SNX30: variants seen among roughly 807,000 people sequenced by gnomAD.
SNX30 encodes sorting nexin-30.
In SNX30, 24 loss-of-function variants were observed where a neutral mutation model predicts 46.4. That is an observed-to-expected ratio of 0.52 (90% CI 0.37 to 0.73). The LOEUF (loss-of-function observed/expected upper bound fraction) is 0.73. SNX30 is among the 30% of genes least tolerant of loss of function. The pLI is 0.00. For synonymous variants in SNX30, 189 were observed against 211.5 expected, an observed-to-expected ratio of 0.89 and a Z score of 0.92; for missense variants, 533 against 555.7, an observed-to-expected ratio of 0.96 and a Z score of 0.41.
chr9:112,849,890 C>T (rs1490875823), intron 6 of SNX30, among the ~76,000 whole-genome samples: 1 of 152,214 alleles, frequency 6.6e-6, no homozygotes, highest in Non-Finnish European at 1.5e-5. Flanking sequence ...AGAAAGGTCT[C>T]ATCACTCTTG....
chr9:112,841,817 CGAGA>C (rs942927051), intron 6 of SNX30, among the ~76,000 whole-genome samples: 16 of 152,142 alleles, frequency 1.1e-4, no homozygotes, highest in African/African-American at 3.9e-4. Flanking sequence ...TTTCTTCCTC[CGAGA>C]GAGTCATATA....
intron 1 of SNX30, among the ~76,000 whole-genome samples, chr9:112,797,835 C>T (rs1008470219): frequency 5.3e-5 from 8 of 149,728 alleles, no homozygotes; most frequent in African/African-American, 2.0e-4. Flanking sequence ...CTCAGCCCCC[C>T]GAGTAGGCGC....
intron 2 of SNX30, among the ~76,000 whole-genome samples, chr9:112,814,195 TAAAGAACTTACAC>T (rs1439452813): frequency 6.6e-6 from 1 of 152,236 alleles, no homozygotes. Context: ...CAAATGGTAA[TAAAGAACTTACAC>T]AAATGAAAAA....
intron 2 of SNX30, among the ~76,000 whole-genome samples, chr9:112,815,901 G>T (rs1280486052): frequency 6.6e-6 from 1 of 152,170 alleles, no homozygotes; most frequent in Non-Finnish European, 1.5e-5. Context: ...GAAGTGCAGT[G>T]GCACAGTCAG....
chr9:112,879,511 T>G (rs1204567372), downstream of SNX30: 1 of 468,624 alleles, frequency 2.1e-6, no homozygotes, highest in Non-Finnish European at 3.9e-6. Context: ...CATGCTCTGC[T>G]GTCACAGAAC....
chr9:112,841,602 C>T (rs1840860463), intron 6 of SNX30, among the ~76,000 whole-genome samples: 1 of 152,184 alleles, frequency 6.6e-6, no homozygotes, highest in Admixed American at 6.5e-5. Context: ...GAAACAGGGC[C>T]ACTGCTCCTC....
chr9:112,814,934 A>C (rs961664808), intron 2 of SNX30, among the ~76,000 whole-genome samples: 45 of 152,358 alleles, frequency 3.0e-4, no homozygotes, highest in African/African-American at 1.1e-3. Flanking sequence ...ATTCAGTGGA[A>C]TACTATGTAT....
At chr9:112,778,270 CTTTTTTT>C (rs1001151120) in intron 1 of SNX30, among the ~76,000 whole-genome samples, 12 of 123,350 alleles carry the variant, frequency 9.7e-5, no homozygotes, top group African/African-American at 3.2e-4. Context: ...GGCCATATTC[CTTTTTTT>C]TTTTTTTTTT....
chr9:112,852,510 C>T (rs1260244394), intron 7 of SNX30, among the ~76,000 whole-genome samples: 3 of 152,102 alleles, frequency 2.0e-5, no homozygotes, highest in African/African-American at 4.8e-5. Context: ...CACCAGATAG[C>T]GAGGCGACAA....
chr9:112,854,016 G>A (rs750137014), intron 7 of SNX30, among the ~76,000 whole-genome samples: 4 of 152,226 alleles, frequency 2.6e-5, no homozygotes, highest in East Asian at 3.8e-4. Flanking sequence ...TTTTAAAGAC[G>A]TCATGTATGT....
At chr9:112,855,344 C>T (rs1036103692) in intron 7 of SNX30, among the ~76,000 whole-genome samples, 5 of 152,054 alleles carry the variant, frequency 3.3e-5, no homozygotes, top group African/African-American at 1.2e-4. Context: ...TCAGGAGTGC[C>T]GGGGAGGAGA....
At chr9:112,851,730 G>T (rs1039537104) in intron 7 of SNX30, among the ~76,000 whole-genome samples, 2 of 151,896 alleles carry the variant, frequency 1.3e-5, no homozygotes, top group Non-Finnish European at 2.9e-5. Context: ...GAGCATTTGG[G>T]GATCAGAGTT....
At chr9:112,852,230 G>A (rs962665739) in intron 7 of SNX30, among the ~76,000 whole-genome samples, 2 of 148,402 alleles carry the variant, frequency 1.3e-5, no homozygotes, top group African/African-American at 5.0e-5. Flanking sequence ...CCCCAGCCTG[G>A]GCAGCATAGG....
chr9:112,851,048 G>T (rs946963877), intron 7 of SNX30, 103 bp downstream of exon 7: 2 of 785,078 alleles, frequency 2.5e-6, no homozygotes, highest in African/African-American at 3.4e-5. Flanking sequence ...GGTCAGTGCC[G>T]GCTGGGCTAC....
rs1469058638 is a variant in SNX30, at chr9:112,828,472, A to G, written c.460-2253A>G. Among the ~76,000 whole-genome samples, 10 of 152,334 alleles carry G rather than the reference A, an allele frequency of 6.6e-5. No homozygotes were observed. In the South Asian group the frequency reaches 1.2e-3, roughly 19 times the overall value. On this transcript the variant is annotated intron_variant, in intron 3 of 8. Coordinates refer to ENST00000374232, the MANE Select transcript of SNX30 (RefSeq NM_001012994.2). ...CCTGACAATGCATTTCTCAGAGTGT[A>G]TCTCTGTCATTAAGTGACACATTAA...
At chr9:112,879,724 C>G, downstream of SNX30, 1 of 1,590,312 alleles carries the variant, frequency 6.3e-7, no homozygotes. Flanking sequence ...GGGGGCCTGG[C>G]CATGGCTGAT....
chr9:112,781,906 T>A (rs539388652), intron 1 of SNX30, among the ~76,000 whole-genome samples: 2 of 152,192 alleles, frequency 1.3e-5, no homozygotes, highest in African/African-American at 4.8e-5. Context: ...CCTCCCAAAG[T>A]GCTGGGATTA....
chr9:112,823,901 C>T (rs1840542741), intron 3 of SNX30, among the ~76,000 whole-genome samples: 1 of 152,114 alleles, frequency 6.6e-6, no homozygotes, highest in Non-Finnish European at 1.5e-5. Flanking sequence ...TGTTTTTAAT[C>T]TCTGCACTTG....
At chr9:112,775,781 CTTTTTTTT>C (rs35535657) in intron 1 of SNX30, among the ~76,000 whole-genome samples, 1 of 122,350 alleles carries the variant, frequency 8.2e-6, no homozygotes, top group Non-Finnish European at 1.7e-5. Flanking sequence ...TATGTGTAGT[CTTTTTTTT>C]TTTTTTTTTT....
Sources: gnomAD v4.1 joint callset for allele counts (sites outside exome capture counted in the v4.1 genomes callset) on GRCh38, gnomAD v4.1.1 for gene constraint, MANE v1.5 for transcripts, NCBI Gene and HGNC (gene_info 2026-07-23, HGNC 2026-07-21) for gene names.